The following BCKDHB variants were observed in gnomAD, a reference collection of about 807,000 sequenced individuals.
The protein encoded by BCKDHB is 2-oxoisovalerate dehydrogenase subunit beta, mitochondrial.
Under a neutral mutation model 48.5 loss-of-function variants are expected in BCKDHB, and 41 were observed. The ratio of observed to expected loss-of-function variants is 0.85; its 90% CI spans 0.66 to 1.10. BCKDHB has a LOEUF of 1.10. Ranked by LOEUF, BCKDHB falls within the 50% of genes least tolerant of loss-of-function variation. BCKDHB has a pLI of 0.00. For synonymous variants in BCKDHB, 201 were observed against 174.8 expected (o/e 1.15, Z -1.18); for missense variants, 496 against 494.2 (o/e 1.00, Z -0.03).
chr6:80,200,063 C>CAAAAAAAAAAAA (rs55737130), intron 6 of BCKDHB, among the ~76,000 whole-genome samples: 1 of 32,774 alleles, frequency 3.1e-5, no homozygotes, highest in African/African-American at 8.9e-5. Context: ...GACCCTGTCT[C>CAAAAAAAAAAAA]AAAAAAAAAA....
chr6:80,311,769 T>A (rs1408709495), intron 9 of BCKDHB, among the ~76,000 whole-genome samples: 2 of 152,184 alleles, frequency 1.3e-5, no homozygotes. Flanking sequence ...TTCTCTATTG[T>A]GTTTCATTGT....
intron 9 of BCKDHB, among the ~76,000 whole-genome samples, chr6:80,333,909 A>C (rs367811455): frequency 6.6e-6 from 1 of 152,156 alleles, no homozygotes; most frequent in Non-Finnish European, 1.5e-5. Flanking sequence ...TAATGGATCA[A>C]TGGTTTTATC....
rs191495619 is a variant in BCKDHB, at chr6:80,269,585, G to A, written c.952-3550G>A. On this transcript the variant is annotated intron_variant, in intron 8 of 9. Coordinates refer to ENST00000320393, the MANE Select transcript of BCKDHB (RefSeq NM_183050.4). ...AGCCCGGAATCCAGGAACAGTACTC[G>A]GTGGTAAAAAGTTGGAGAAGTAGAT... 4.4e-4 allele frequency among the ~76,000 whole-genome samples: 67 copies of A among 152,064 alleles called. No homozygotes were observed. In the East Asian group the frequency reaches 0.012, roughly 28 times the overall value.
chr6:80,414,669 A>G, the BCKDHB span, among the ~76,000 whole-genome samples: 1 of 152,132 alleles, frequency 6.6e-6, no homozygotes, highest in Admixed American at 6.6e-5. Context: ...GTAGCCTTGT[A>G]CAATTTTAAG....
At chr6:80,158,690 C>T (rs1294035042) in intron 3 of BCKDHB, among the ~76,000 whole-genome samples, 2 of 152,168 alleles carry the variant, frequency 1.3e-5, no homozygotes. Flanking sequence ...CCTTTGTACT[C>T]TCACACTGAT....
At chr6:80,131,393 A>G (rs1238179111) in intron 3 of BCKDHB, among the ~76,000 whole-genome samples, 2 of 152,186 alleles carry the variant, frequency 1.3e-5, no homozygotes, top group African/African-American at 4.8e-5. Context: ...CACTGGGGAA[A>G]TTCTAAGTGT....
At chr6:80,150,071 G>A (rs1199496291) in intron 3 of BCKDHB, among the ~76,000 whole-genome samples, 1 of 151,892 alleles carries the variant, frequency 6.6e-6, no homozygotes, top group East Asian at 1.9e-4. Context: ...ATTCTTGGCT[G>A]CACCCACACT....
At chr6:80,325,117 A>G (rs1356350017) in intron 9 of BCKDHB, among the ~76,000 whole-genome samples, 1 of 152,206 alleles carries the variant, frequency 6.6e-6, no homozygotes, top group African/African-American at 2.4e-5. Flanking sequence ...TGAGCATCAA[A>G]TATTTAGAGA....
chr6:80,394,806 G>T, the BCKDHB span, among the ~76,000 whole-genome samples: 1 of 152,204 alleles, frequency 6.6e-6, no homozygotes, highest in Non-Finnish European at 1.5e-5. Context: ...ATCTTGTATT[G>T]TAGTTCCCAT....
chr6:80,133,747 A>G (rs896567095), intron 3 of BCKDHB, among the ~76,000 whole-genome samples: 1 of 151,968 alleles, frequency 6.6e-6, no homozygotes, highest in Non-Finnish European at 1.5e-5. Context: ...GGTTCAAGCA[A>G]TTCTCCTGCC....
At chr6:80,224,680 G>A (rs1775605312) in intron 8 of BCKDHB, among the ~76,000 whole-genome samples, 1 of 152,168 alleles carries the variant, frequency 6.6e-6, no homozygotes, top group Admixed American at 6.5e-5. Context: ...GATTACAGGA[G>A]TGAGCCACTG....
intron 3 of BCKDHB, among the ~76,000 whole-genome samples, chr6:80,150,031 T>TTG (rs2127752486): frequency 6.6e-6 from 1 of 152,154 alleles, no homozygotes; most frequent in East Asian, 1.9e-4. Context: ...TATAAGACTT[T>TTG]TGTTTCTAGC....
intron 3 of BCKDHB, among the ~76,000 whole-genome samples, chr6:80,166,545 A>G (rs933618399): frequency 1.3e-5 from 2 of 151,544 alleles, no homozygotes; most frequent in African/African-American, 4.9e-5. Context: ...AATCCCAGCT[A>G]CTCGGGTGGC....
At chr6:80,340,818 C>A (rs768413862) in intron 9 of BCKDHB, among the ~76,000 whole-genome samples, 1 of 151,806 alleles carries the variant, frequency 6.6e-6, no homozygotes, top group East Asian at 1.9e-4. Context: ...TACGTACGTA[C>A]GTACATGTAT....
chr6:80,450,386 G>A, the BCKDHB span, among the ~76,000 whole-genome samples: 2 of 152,076 alleles, frequency 1.3e-5, no homozygotes. Flanking sequence ...AGCTATGTCT[G>A]TGTCTTGGCC....
chr6:80,239,036 T>C (rs1176707060), intron 8 of BCKDHB, among the ~76,000 whole-genome samples: 1 of 152,238 alleles, frequency 6.6e-6, no homozygotes, highest in African/African-American at 2.4e-5. Context: ...GTCTTTGCTA[T>C]TGTGAATAAT....
intron 8 of BCKDHB, among the ~76,000 whole-genome samples, chr6:80,225,300 T>C (rs1392511037): frequency 6.6e-6 from 1 of 152,208 alleles, no homozygotes; most frequent in African/African-American, 2.4e-5. Flanking sequence ...AGGAGATATA[T>C]ACTTTCTATA....
the BCKDHB span, among the ~76,000 whole-genome samples, chr6:80,358,188 T>C: frequency 6.6e-6 from 1 of 152,166 alleles, no homozygotes; most frequent in African/African-American, 2.4e-5. Context: ...ATTATTTTTA[T>C]GTTGGCCAAC....
intron 8 of BCKDHB, among the ~76,000 whole-genome samples, chr6:80,243,947 A>G (rs1776499751): frequency 2.6e-5 from 4 of 152,254 alleles, no homozygotes; most frequent in African/African-American, 7.2e-5. Flanking sequence ...TAATTTATCT[A>G]AAGATGAATC....
Sources: gnomAD v4.1 joint callset for allele counts (sites outside exome capture counted in the v4.1 genomes callset) on GRCh38, gnomAD v4.1.1 for gene constraint, MANE v1.5 for transcripts, NCBI Gene and HGNC (gene_info 2026-07-23, HGNC 2026-07-21) for gene names.